Variants in USH2A observed in about 807,000 individuals in gnomAD.
USH2A encodes Usher syndrome 2A (autosomal recessive, mild).
A neutral mutation model predicts 538.9 loss-of-function variants in USH2A; 443 were observed. That is an observed-to-expected ratio of 0.82 (90% confidence interval 0.76 to 0.89). USH2A has a LOEUF of 0.89. USH2A is among the 40% of genes least tolerant of loss of function. USH2A has a pLI of 0.00. For missense variants in USH2A, 6,633 were observed against 6,324.8 expected, an observed-to-expected ratio of 1.05 and a Z score of -1.65; for synonymous variants, 2,413 against 2,273.5, an observed-to-expected ratio of 1.06 and a Z score of -1.75.
rs182664134 is a variant in USH2A, at chr1:216,117,821, T to C, written c.4628-20608A>G. 1.5e-3 allele frequency among the ~76,000 whole-genome samples: 216 copies of C among 143,942 alleles called. 6 individuals are homozygous for C. In the Admixed American group the frequency reaches 0.015, roughly 10 times the overall value. The allele number at this position is 143,942 out of a possible 152,430, so 94.4% of individuals were successfully genotyped here. A position where few individuals can be genotyped will look rare whatever the true frequency, so the allele number is the denominator to read the frequency against. ...AGACACACATATATATATGTATATA[T>C]ATATACACAGATATATATATACACA... On this transcript the variant is annotated intron_variant, in intron 21 of 71. Coordinates refer to ENST00000307340, the MANE Select transcript of USH2A (RefSeq NM_206933.4).
chr1:215,814,929 A>G (rs1034641943), intron 48 of USH2A, among the ~76,000 whole-genome samples: 2 of 152,152 alleles, frequency 1.3e-5, no homozygotes, highest in Non-Finnish European at 2.9e-5. Flanking sequence ...TCTTACGTTC[A>G]CTGGGATTTG....
chr1:215,921,344 C>T (rs1666095328), intron 38 of USH2A, among the ~76,000 whole-genome samples: 2 of 151,980 alleles, frequency 1.3e-5, no homozygotes, highest in African/African-American at 4.8e-5. Context: ...CATAATATTG[C>T]TTCTGCTTAA....
At chr1:216,374,139 A>T (rs1260281925) in intron 3 of USH2A, among the ~76,000 whole-genome samples, 4 of 150,954 alleles carry the variant, frequency 2.6e-5, no homozygotes, top group Non-Finnish European at 5.9e-5. Flanking sequence ...GCATTGAGAG[A>T]TATACCTAAT....
At chr1:215,744,486 T>C (rs1426267170) in intron 58 of USH2A, among the ~76,000 whole-genome samples, 1 of 152,240 alleles carries the variant, frequency 6.6e-6, no homozygotes, top group Non-Finnish European at 1.5e-5. Flanking sequence ...CTCCTTGATC[T>C]GAGAGTTTTT....
chr1:215,634,656 T>C lies in USH2A; in HGVS notation c.15100A>G (p.Ser5034Gly). 6.2e-7 allele frequency: 1 copy of C among 1,614,256 alleles called. No individual in the cohort carries two copies. The highest frequency in any genetic ancestry group is 8.5e-7 in the Non-Finnish European group (1 of 1,180,050). ...PGKKKGSRSK[S>G]TEFYSELWFI... ...CACAGCTCGCTGTAGAACTCTGTGC[T>C]TTTGCTCCGCGATCCCTTCTTTTTC... Residue 5034 changes from serine (S) to glycine (G), a missense_variant, in exon 70 of 72, where the codon AGC (serine) becomes GGC (glycine). Physicochemically the swap from Ser to Gly is moderately conservative, Grantham distance 56. Transcript: ENST00000307340.
intron 48 of USH2A, among the ~76,000 whole-genome samples, chr1:215,814,753 A>G (rs1662810978): frequency 6.6e-6 from 1 of 152,118 alleles, no homozygotes; most frequent in Non-Finnish European, 1.5e-5. Flanking sequence ...TCTTTTCTTC[A>G]TAAATTACCC....
rs1485068491 is a variant in USH2A at position 216,246,768 on chromosome 1, C to G, written c.2626G>C (p.Gly876Arg). The change falls in exon 13 of 72, where the codon GGT becomes CGT. Residue 876 changes from glycine to arginine, a missense_variant. Coordinates refer to ENST00000307340, the MANE Select transcript of USH2A (RefSeq NM_206933.4). The part of the protein sequence containing the change: ...GQCPCKLGVT[G>R]LRCNQCEPHR... ...GGCTCACACTGATTACAGCGAAGAC[C>G]TGTTACCCCTAATTTGCAAGGACAT... The G allele has an allele frequency of 1.2e-6, 2 of 1,613,980 alleles. No homozygotes were observed. The highest frequency in any genetic ancestry group is 2.7e-5 in the African/African-American group (2 of 74,914).
chr1:216,003,477 C>T (rs1668320469), intron 32 of USH2A, among the ~76,000 whole-genome samples: 1 of 151,934 alleles, frequency 6.6e-6, no homozygotes, highest in Admixed American at 6.6e-5. Context: ...GCAGAGGCCT[C>T]ATTGGGAAGG....
chr1:216,377,075 T>A (rs751895987), intron 3 of USH2A, among the ~76,000 whole-genome samples: 4 of 152,218 alleles, frequency 2.6e-5, no homozygotes, highest in Non-Finnish European at 5.9e-5. Context: ...TAGACAGTAC[T>A]GAGCAAAATT....
chr1:216,349,674 T>C (rs2038241000), intron 4 of USH2A, among the ~76,000 whole-genome samples: 2 of 152,112 alleles, frequency 1.3e-5, no homozygotes, highest in South Asian at 4.1e-4. Flanking sequence ...GATCCTCAAT[T>C]CTGGGAATTG....
At chr1:215,959,668 A>G (rs1461575799) in intron 37 of USH2A, among the ~76,000 whole-genome samples, 1 of 152,078 alleles carries the variant, frequency 6.6e-6, no homozygotes, top group East Asian at 1.9e-4. Context: ...TTTCCCCCAC[A>G]GTAATCCATA....
intron 13 of USH2A, among the ~76,000 whole-genome samples, chr1:216,238,093 T>C (rs974405931): frequency 1.3e-5 from 2 of 152,222 alleles, no homozygotes; most frequent in South Asian, 4.1e-4. Flanking sequence ...AGCTCATTAC[T>C]TAATAAATAT....
At chr1:216,116,300 A>C (rs543261898) in intron 21 of USH2A, among the ~76,000 whole-genome samples, 2 of 152,108 alleles carry the variant, frequency 1.3e-5, no homozygotes, top group South Asian at 4.1e-4. Context: ...GAAATTTCAA[A>C]AATTGATCTT....
At chr1:215,771,270 A>G (rs936580189) in intron 55 of USH2A, among the ~76,000 whole-genome samples, 7 of 152,066 alleles carry the variant, frequency 4.6e-5, no homozygotes, top group Non-Finnish European at 1.0e-4. Flanking sequence ...CTCAAAGCCC[A>G]GTCAAATTTC....
Position 216,072,815 on chromosome 1 carries a change from C to A in USH2A, c.5857+74G>T, listed in dbSNP as rs746312096. The A allele has an allele frequency of 8.3e-5, 117 of 1,401,418 alleles. No homozygotes were observed. The Middle Eastern group carries it at 1.2e-3, about 15-fold the overall frequency. 86.8% of individuals were successfully genotyped at this position (1,401,418 alleles called of 1,614,324 possible). ...AATATTACTGCTTCAGGGTAATAGT[C>A]CTTCCTTTTATATAAATGCACAAAT... On this transcript the variant is annotated intron_variant, in intron 29 of 71. Coordinates refer to ENST00000307340, the MANE Select transcript of USH2A (RefSeq NM_206933.4).
At chr1:216,397,224 G>A (rs936090792) in intron 3 of USH2A, among the ~76,000 whole-genome samples, 1 of 152,172 alleles carries the variant, frequency 6.6e-6, no homozygotes, top group African/African-American at 2.4e-5. Flanking sequence ...TTGCTGAAAA[G>A]TGTTAAGGGA....
intron 47 of USH2A, among the ~76,000 whole-genome samples, chr1:215,825,851 T>C (rs1023400183): frequency 6.6e-6 from 1 of 152,208 alleles, no homozygotes; most frequent in Non-Finnish European, 1.5e-5. Context: ...GAGATGTTTA[T>C]TATAAATTGT....
At chr1:216,068,247 C>T (rs990518129) in intron 30 of USH2A, among the ~76,000 whole-genome samples, 13 of 152,072 alleles carry the variant, frequency 8.5e-5, no homozygotes, top group African/African-American at 2.4e-4. Flanking sequence ...TCATGCTAGA[C>T]GAAGGCCGAG....
intron 3 of USH2A, among the ~76,000 whole-genome samples, chr1:216,400,482 C>T (rs950989236): frequency 6.6e-6 from 1 of 150,576 alleles, no homozygotes; most frequent in East Asian, 1.9e-4. Context: ...AACTGGAATC[C>T]TAGAATAAGA....
Sources: allele counts gnomAD v4.1 joint callset (sites outside exome capture counted in the v4.1 genomes callset), GRCh38; gene constraint gnomAD v4.1.1; transcripts MANE v1.5; gene names NCBI Gene and HGNC (gene_info 2026-07-23, HGNC 2026-07-21).